Variants in RBM46 observed in about 807,000 individuals in gnomAD.
RBM46 encodes probable RNA-binding protein 46.
Under a neutral mutation model 43.3 loss-of-function variants are expected in RBM46, and 12 were observed. The ratio of observed to expected loss-of-function variants is 0.28; its 90% CI spans 0.18 to 0.45. The LOEUF is 0.45. RBM46 is among the 20% of genes least tolerant of loss of function. The pLI is 1.00. For missense variants in RBM46, 412 were observed against 639.1 expected (o/e 0.64, Z 3.83); for synonymous variants, 205 against 207.6 (o/e 0.99, Z 0.11).
In RBM46 at chr4:154,789,761, C is replaced by G. The variant is rs550624967; in HGVS notation, c.-11-6981C>G. ...TTCAGAAGGGATGGTACCTGCACCT[C>G]TTTGTACCTCTGGTAGAATTTGGCT... On this transcript the variant is annotated intron_variant, in intron 1 of 4. Transcript: ENST00000281722. Among the ~76,000 whole-genome samples the G allele has an allele frequency of 8.5e-4, 130 of 152,314 alleles. 1 individual carries two copies. Among genetic ancestry groups the G allele is most frequent in the African/African-American group, 2.9e-3 (120 of 41,566 alleles).
intron 1 of RBM46, among the ~76,000 whole-genome samples, chr4:154,790,755 T>C (rs1425031304): frequency 2.0e-5 from 3 of 152,182 alleles, no homozygotes; most frequent in South Asian, 2.1e-4. Flanking sequence ...TATGAAAAGT[T>C]TTATCTTGGA....
In RBM46 at chr4:154,796,819, G is replaced by A; in HGVS notation, c.67G>A (p.Ala23Thr). 1.2e-6 allele frequency: 2 copies of A among 1,613,698 alleles called. No homozygotes were observed. The highest frequency in any genetic ancestry group is 1.7e-6 in the Non-Finnish European group (2 of 1,179,628). ...SKVRTGIQNEAALLALMEKTG... is the reference protein window; with the variant it reads ...SKVRTGIQNETALLALMEKTG... ...AGTTCGAACTGGTATTCAGAATGAA[G>A]CAGCATTACTTGCTTTGATGGAAAA... The change falls in exon 2 of 5, where the codon GCA (alanine) becomes ACA (threonine). Residue 23 changes from alanine (A) to threonine (T), a missense_variant. Ala to Thr is a moderately conservative substitution (Grantham distance 58). Transcript: ENST00000281722.
chr4:154,825,705 G>A (rs923563807), intron 4 of RBM46, among the ~76,000 whole-genome samples: 38 of 152,202 alleles, frequency 2.5e-4, no homozygotes, highest in African/African-American at 8.7e-4. Context: ...ATGAAGATAA[G>A]CTAAGCATTA....
At chr4:154,793,005 C>A (rs1436835861) in intron 1 of RBM46, among the ~76,000 whole-genome samples, 1 of 152,188 alleles carries the variant, frequency 6.6e-6, no homozygotes, top group Admixed American at 6.5e-5. Flanking sequence ...TTCCTACTCA[C>A]CAATGATAAC....
intron 4 of RBM46, among the ~76,000 whole-genome samples, chr4:154,800,880 C>G (rs1734600909): frequency 6.6e-6 from 1 of 151,854 alleles, no homozygotes; most frequent in Non-Finnish European, 1.5e-5. Flanking sequence ...AGAAAACAGT[C>G]AAGAAAAACA....
Position 154,796,802 on chromosome 4 carries a change from C to T in RBM46, c.50C>T (p.Thr17Ile), listed in dbSNP as rs1181946297. 6.2e-7 allele frequency: 1 copy of T among 1,613,186 alleles called. No individual in the cohort carries two copies. Among genetic ancestry groups the T allele is most frequent in the African/African-American group, 1.3e-5 (1 of 75,008 alleles). Residue 17 changes from threonine to isoleucine, a missense_variant, in exon 2 of 5, where the codon ACT becomes ATT. This residue lies in a region of RBM46 where 23 missense variants were observed against 22.9 expected (regional missense o/e 1.00). Transcript: ENST00000281722. The part of the protein sequence containing the change: ...DGTNGCSKVR[T>I]GIQNEAALLA... ...ACAAATGGATGCAGTAAAGTTCGAA[C>T]TGGTATTCAGAATGAAGCAGCATTA...
intron 4 of RBM46, among the ~76,000 whole-genome samples, chr4:154,803,279 G>T (rs185859142): frequency 6.6e-6 from 1 of 152,236 alleles, no homozygotes; most frequent in East Asian, 1.9e-4. Flanking sequence ...GGAAGTTGGG[G>T]TTAATGCCAA....
rs950440638 is a variant in RBM46, at chr4:154,785,723, C to T, written c.-12+4287C>T. On this transcript the variant is annotated intron_variant, in intron 1 of 4. Coordinates refer to ENST00000281722, the MANE Select transcript of RBM46 (RefSeq NM_144979.5). Reference sequence around the variant, plus strand: ...GCCAGTATGATGTCCTGTGGGATGTCGAGGCCATTGAAGACTCTCTGGACT... The same window carrying T: ...GCCAGTATGATGTCCTGTGGGATGTTGAGGCCATTGAAGACTCTCTGGACT... Among the ~76,000 whole-genome samples, 4 of 151,822 alleles carry T rather than the reference C, an allele frequency of 2.6e-5. No individual in the cohort carries two copies. The South Asian group carries it at 6.2e-4, about 24-fold the overall frequency.
At chr4:154,803,471 C>G (rs1205565473) in intron 4 of RBM46, among the ~76,000 whole-genome samples, 1 of 151,850 alleles carries the variant, frequency 6.6e-6, no homozygotes, top group Non-Finnish European at 1.5e-5. Context: ...GAGGCTAAGG[C>G]GGGCGGATCA....
chr4:154,826,697 A>G (rs919099419), intron 4 of RBM46: 3 of 908,300 alleles, frequency 3.3e-6, no homozygotes, highest in Non-Finnish European at 5.0e-6. Context: ...GAGTTTTATA[A>G]TGCTGGAAAT....
intron 4 of RBM46, 118 bp from the exon 5 acceptor site, chr4:154,827,750 G>A (rs1407539711): frequency 9.1e-6 from 14 of 1,534,378 alleles, no homozygotes; most frequent in Non-Finnish European, 1.2e-5. Context: ...GTATCATCAA[G>A]ATTTCCAGTG....
chr4:154,814,393 T>C (rs1735326332), intron 4 of RBM46, among the ~76,000 whole-genome samples: 1 of 152,092 alleles, frequency 6.6e-6, no homozygotes, highest in South Asian at 2.1e-4. Context: ...AATAAGATGG[T>C]AAATTAAATT....
intron 4 of RBM46, among the ~76,000 whole-genome samples, chr4:154,812,884 T>C (rs1353657226): frequency 6.6e-6 from 1 of 152,190 alleles, no homozygotes; most frequent in African/African-American, 2.4e-5. Flanking sequence ...TGCTTATCCT[T>C]ATATACTTTT....
At position 154,821,855 on chromosome 4, in the gene RBM46, T is replaced by C. The variant is rs796415385; in HGVS notation, c.1403-6013T>C. On this transcript the variant is annotated intron_variant, in intron 4 of 4. Coordinates refer to ENST00000281722, the MANE Select transcript of RBM46 (RefSeq NM_144979.5). Reference sequence around the variant, plus strand: ...TCAAACAGGTTTGGGAAAAACTGTATACTAAATACTTCCTTGGGAAAATCA... The same window carrying C: ...TCAAACAGGTTTGGGAAAAACTGTACACTAAATACTTCCTTGGGAAAATCA... 1.1e-4 allele frequency among the ~76,000 whole-genome samples: 16 copies of C among 151,968 alleles called. 1 individual carries two copies. Among genetic ancestry groups the C allele is most frequent in the African/African-American group, 3.1e-4 (13 of 41,560 alleles).
intron 1 of RBM46, 25 bp from the exon 2 acceptor site, chr4:154,796,717 C>T (rs758966479): frequency 4.0e-6 from 6 of 1,495,226 alleles, no homozygotes; most frequent in Admixed American, 1.9e-5. Context: ...GTAAACTTAA[C>T]CAGTGTTATT....
intron 1 of RBM46, among the ~76,000 whole-genome samples, chr4:154,795,710 A>G (rs1360946827): frequency 6.6e-6 from 1 of 152,180 alleles, no homozygotes; most frequent in African/African-American, 2.4e-5. Flanking sequence ...AATTAAGCAG[A>G]TATATATTTT....
rs753772808 is a variant in RBM46, at chr4:154,828,037, A to G, written c.1572A>G (p.Leu524=). 1.2e-5 allele frequency: 20 copies of G among 1,613,550 alleles called. No individual in the cohort carries two copies. Among genetic ancestry groups the G allele is most frequent in the African/African-American group, 5.3e-5 (4 of 74,908 alleles). ...LANGSHVGQR[L]CISNQASFF ...ATGGCAGCCATGTTGGACAGCGGCT[A>G]TGTATCTCCAATCAGGCCTCCTTCT... The change falls in exon 5 of 5, where the codon CTA becomes CTG. Residue 524 remains leucine, a synonymous_variant. Coordinates refer to ENST00000281722, the MANE Select transcript of RBM46 (RefSeq NM_144979.5).
intron 1 of RBM46, among the ~76,000 whole-genome samples, chr4:154,792,873 A>G (rs1450449546): frequency 4.6e-5 from 7 of 151,948 alleles, no homozygotes; most frequent in African/African-American, 1.7e-4. Context: ...TGGCTTTCTA[A>G]AGAGTTCAGA....
At chr4:154,792,289 T>G (rs1734135660) in intron 1 of RBM46, among the ~76,000 whole-genome samples, 1 of 152,198 alleles carries the variant, frequency 6.6e-6, no homozygotes, top group South Asian at 2.1e-4. Flanking sequence ...GTGCGTGTCA[T>G]TATATGTGGT....
Sources: gnomAD v4.1 joint callset for allele counts (sites outside exome capture counted in the v4.1 genomes callset) on GRCh38, gnomAD v4.1.1 for gene constraint, gnomAD v4.1.1 regional missense constraint, MANE v1.5 for transcripts, NCBI Gene and HGNC (gene_info 2026-07-23, HGNC 2026-07-21) for gene names.